STIL: variants seen among roughly 807,000 people sequenced by gnomAD.
STIL encodes the protein STIL centriolar assembly protein.
STIL carries 55 observed loss-of-function variants against 110.1 expected under a neutral mutation model. That is an observed-to-expected ratio of 0.50 (90% CI 0.40 to 0.63). The LOEUF is 0.63. STIL is among the 20% of genes least tolerant of loss of function. The pLI is 0.00. For missense variants in STIL, 1,358 were observed against 1,530.0 expected, an observed-to-expected ratio of 0.89 and a Z score of 1.87; for synonymous variants, 481 against 530.0, an observed-to-expected ratio of 0.91 and a Z score of 1.27.
intron 1 of STIL, among the ~76,000 whole-genome samples, chr1:47,311,875 C>T (rs1358339923): frequency 1.3e-5 from 2 of 151,730 alleles, no homozygotes; most frequent in African/African-American, 2.4e-5. Flanking sequence ...GGTGAAACCC[C>T]GTCTCTACTA....
chr1:47,281,290 C>T (rs1645153425), intron 11 of STIL, 81 bp from the exon 12 acceptor site: 1 of 1,329,270 alleles, frequency 7.5e-7, no homozygotes, highest in Non-Finnish European at 1.0e-6. Context: ...CCAGTATTTC[C>T]CAAATTATAT....
At chr1:47,276,610 T>G (rs1036063386) in intron 12 of STIL, among the ~76,000 whole-genome samples, 1 of 151,150 alleles carries the variant, frequency 6.6e-6, no homozygotes, top group African/African-American at 2.4e-5. Flanking sequence ...GAGTTCGAGA[T>G]CAGCCTGGCC....
intron 2 of STIL, among the ~76,000 whole-genome samples, chr1:47,306,250 C>A (rs1490442959): frequency 7.5e-6 from 1 of 132,954 alleles, no homozygotes. Flanking sequence ...AAACTAAAAT[C>A]TTTCTTTTCT....
At chr1:47,311,132 C>T (rs1646110965) in intron 1 of STIL, among the ~76,000 whole-genome samples, 1 of 151,798 alleles carries the variant, frequency 6.6e-6, no homozygotes, top group South Asian at 2.1e-4. Context: ...AGGTGTGAGC[C>T]ACCATGCCCA....
chr1:47,305,725 C>CTTTTTT (rs71572652), intron 2 of STIL, among the ~76,000 whole-genome samples: 7 of 43,418 alleles, frequency 1.6e-4, no homozygotes, highest in Non-Finnish European at 2.2e-4. Context: ...CACGCCTGGC[C>CTTTTTT]TTTTTTTTTT....
rs1182719027 is a variant in STIL, at chr1:47,272,260, T to C, written c.2218-19A>G. The C allele has an allele frequency of 1.9e-6, 3 of 1,613,832 alleles. No homozygotes were observed. Among genetic ancestry groups the C allele is most frequent in the African/African-American group, 1.3e-5 (1 of 74,926 alleles). On this transcript the variant is annotated intron_variant, in intron 12 of 16. Coordinates refer to ENST00000371877, the MANE Select transcript of STIL (RefSeq NM_001048166.1). ...GCTGAATCTGTATCAATTAAAAACA[T>C]ACTTTAAACTGACAGGGAAGTAATC...
chr1:47,308,411 A>C (rs1171351403), intron 2 of STIL, among the ~76,000 whole-genome samples: 1 of 89,476 alleles, frequency 1.1e-5, no homozygotes, highest in Non-Finnish European at 2.2e-5. Flanking sequence ...AAAAAAGAAA[A>C]AAGAAAAAGA....
chr1:47,314,870 G>A (rs894288185), upstream of STIL, among the ~76,000 whole-genome samples: 1 of 150,532 alleles, frequency 6.6e-6, no homozygotes, highest in African/African-American at 2.4e-5. Context: ...TATTACAGGC[G>A]TCCACCACCC....
chr1:47,289,452 T>C lies in STIL; in HGVS notation c.1006A>G (p.Thr336Ala), dbSNP rs1334411550. 6.2e-7 allele frequency: 1 copy of C among 1,614,006 alleles called. No homozygotes were observed. The highest frequency in any genetic ancestry group is 1.6e-4 in the Middle Eastern group (1 of 6,062). ...TCACTTACTTTGAAAAGATGTAATG[T>C]TTCCTTACTGGTTAGCAACTGAAAC... Reference protein sequence around the residue: ...FRFQLLTSKETLHLFKNVEPP... With the variant: ...FRFQLLTSKEALHLFKNVEPP... Residue 336 changes from threonine to alanine, a missense_variant, in exon 9 of 17, where the codon ACA (threonine) becomes GCA (alanine). By Grantham distance (58) the Thr-to-Ala change is moderately conservative. Transcript: ENST00000371877.
intron 1 of STIL, among the ~76,000 whole-genome samples, chr1:47,313,394 T>C (rs1481775897): frequency 6.6e-6 from 1 of 152,058 alleles, no homozygotes; most frequent in African/African-American, 2.4e-5. Context: ...ATAAAGGATC[T>C]TCACAATCCA....
intron 14 of STIL, among the ~76,000 whole-genome samples, chr1:47,265,710 G>A (rs1168225173): frequency 1.3e-5 from 2 of 151,024 alleles, no homozygotes; most frequent in Non-Finnish European, 2.9e-5. Context: ...GTACCCGGGA[G>A]GCGGAGGGTG....
chr1:47,290,974 C>T (rs1017863242), intron 8 of STIL, among the ~76,000 whole-genome samples: 2 of 152,160 alleles, frequency 1.3e-5, no homozygotes, highest in African/African-American at 4.8e-5. Flanking sequence ...AGAGCCCTTA[C>T]ACTTAACACA....
chr1:47,309,456 A>AG (rs1020934802), intron 2 of STIL, among the ~76,000 whole-genome samples: 9 of 150,498 alleles, frequency 6.0e-5, no homozygotes, highest in Non-Finnish European at 3.0e-5. Context: ...AAGAGATGGC[A>AG]GGGGGGTAGA....
chr1:47,270,254 A>ATG (rs1644793851), intron 13 of STIL, among the ~76,000 whole-genome samples: 1 of 119,526 alleles, frequency 8.4e-6, no homozygotes, highest in Non-Finnish European at 1.8e-5. Flanking sequence ...ATATATATAT[A>ATG]TACACACACA....
In STIL at chr1:47,259,369, G is replaced by A. The variant is rs911412071; in HGVS notation, c.3080+920C>T. 1.2e-3 allele frequency among the ~76,000 whole-genome samples: 165 copies of A among 134,894 alleles called. 1 individual carries two copies. Among genetic ancestry groups the A allele is most frequent in the African/African-American group, 4.5e-3 (161 of 36,146 alleles). 88.5% of individuals were successfully genotyped at this position (134,894 alleles called of 152,430 possible). A position where few individuals can be genotyped will look rare whatever the true frequency, so the allele number is the denominator to read the frequency against. On this transcript the variant is annotated intron_variant, in intron 16 of 16. Transcript: ENST00000371877. ...CAGTGGCGCTATCTCGGCTCACTGC[G>A]ACCTCTGCCTCCCCGGGTTCAGGCA...
chr1:47,302,400 C>A, intron 3 of STIL, 54 bp from the exon 4 acceptor site: 1 of 1,293,894 alleles, frequency 7.7e-7, no homozygotes, highest in Non-Finnish European at 1.1e-6. Context: ...CTTAAAAAAA[C>A]CTCCTGCCAT....
chr1:47,295,423 A>C (rs1332807972), intron 7 of STIL, among the ~76,000 whole-genome samples: 1 of 151,920 alleles, frequency 6.6e-6, no homozygotes, highest in Non-Finnish European at 1.5e-5. Context: ...CTACTAAAAA[A>C]GCAAAAATTA....
Position 47,279,207 on chromosome 1 carries a change from C to T in STIL, c.2217+1034G>A, listed in dbSNP as rs552075143. Among the ~76,000 whole-genome samples, 38 of 150,258 alleles carry T rather than the reference C, an allele frequency of 2.5e-4. No homozygotes were observed. In the South Asian group the frequency reaches 5.7e-3, roughly 22 times the overall value. On this transcript the variant is annotated intron_variant, in intron 12 of 16. Coordinates refer to ENST00000371877, the MANE Select transcript of STIL (RefSeq NM_001048166.1). ...CTGAGGCAGGAGAATGGCGTGAACC[C>T]GGGAGGCGGAGCTTGCAGTGAGCCG...
chr1:47,287,653 T>G lies in STIL; in HGVS notation c.1031A>C (p.Glu344Ala). Reference protein sequence around the residue: ...KETLHLFKNVEPPDKNPIRCE... With the variant: ...KETLHLFKNVAPPDKNPIRCE... Reference sequence around the variant, plus strand: ...ACGGATTGGATTTTTGTCAGGAGGTTCAACATTCTGAAATGAAGTAGGTCA... The same window carrying G: ...ACGGATTGGATTTTTGTCAGGAGGTGCAACATTCTGAAATGAAGTAGGTCA... Residue 344 changes from glutamate (E) to alanine (A), a missense_variant, in exon 10 of 17, where the codon GAA becomes GCA. By Grantham distance (107) the Glu-to-Ala change is moderately radical (BLOSUM62 -1). Coordinates refer to ENST00000371877, the MANE Select transcript of STIL (RefSeq NM_001048166.1). The G allele has an allele frequency of 6.2e-7, 1 of 1,613,128 alleles. No individual in the cohort carries two copies.
Sources: gnomAD v4.1 joint callset for allele counts (sites outside exome capture counted in the v4.1 genomes callset) on GRCh38, gnomAD v4.1.1 for gene constraint, MANE v1.5 for transcripts, NCBI Gene and HGNC (gene_info 2026-07-23, HGNC 2026-07-21) for gene names.